Variants in ATRX observed in about 807,000 individuals in gnomAD.
The protein encoded by ATRX is chromatin remodeler ATRX.
In ATRX, 12 loss-of-function variants were observed where a neutral mutation model predicts 172.6. The ratio of observed to expected loss-of-function variants is 0.07; its 90% CI spans 0.04 to 0.11. The LOEUF (loss-of-function observed/expected upper bound fraction) is 0.11. ATRX is among the 10% of genes least tolerant of loss of function. ATRX has a pLI of 1.00. For synonymous variants in ATRX, 674 were observed against 594.7 expected (o/e 1.13, Z -1.94); for missense variants, 1,368 against 1,767.4 (o/e 0.77, Z 4.05).
chrX:77,651,296 T>C (rs1049688359), intron 15 of ATRX, among the ~76,000 whole-genome samples: 2 of 99,496 alleles, frequency 2.0e-5, no homozygotes, highest in East Asian at 3.4e-4. Context: ...ACTGAGTTAA[T>C]AGATCCAGGG....
At chrX:77,576,918 T>C (rs2065640009) in intron 27 of ATRX, among the ~76,000 whole-genome samples, 2 of 112,086 alleles carry the variant, frequency 1.8e-5, no homozygotes, top group African/African-American at 6.5e-5. Flanking sequence ...GTCTTCAAGA[T>C]TCATACATGT....
chrX:77,587,525 G>A lies in ATRX; in HGVS notation c.6217+2309C>T, dbSNP rs180919560. Among the ~76,000 whole-genome samples, 5 of 111,930 alleles carry A rather than the reference G, an allele frequency of 4.5e-5. No individual in the cohort carries two copies. The East Asian group carries it at 1.4e-3, about 31-fold the overall frequency. On this transcript the variant is annotated intron_variant, in intron 27 of 34. Transcript: ENST00000373344. ...CATCATACAAAATGTTGAAAAACTG[G>A]ATTCCTTCACACTATGATTAGAGAC... is the stretch of plus-strand genomic sequence containing the variant.
chrX:77,763,119 T>TTATA lies in ATRX; in HGVS notation c.20+22859_20+22862dup, dbSNP rs1345435196. Reference sequence around the variant, plus strand: ...CAGGTACTTAGGGGGTTTCGTTATTTTATATATATATATATAGTTGTCTTT... The same window carrying TTATA: ...CAGGTACTTAGGGGGTTTCGTTATTTTATATATATATATATATATAGTTGTCTTT... On this transcript the variant is annotated intron_variant, in intron 1 of 34. Coordinates refer to ENST00000373344, the MANE Select transcript of ATRX (RefSeq NM_000489.6). Among the ~76,000 whole-genome samples, 19 of 107,644 alleles carry TTATA rather than the reference T, an allele frequency of 1.8e-4. No homozygotes were observed. In the Admixed American group the frequency reaches 1.9e-3, roughly 11 times the overall value. The allele number at this position is 107,644 out of a possible 115,157, so 93.5% of individuals were successfully genotyped here.
chrX:77,522,732 C>T (rs2063271213), intron 31 of ATRX, among the ~76,000 whole-genome samples: 1 of 111,881 alleles, frequency 8.9e-6, no homozygotes, highest in African/African-American at 3.2e-5. Context: ...TTCCCATGCT[C>T]AGGCACATTT....
At chrX:77,674,094 CACAATTGTGTACAAATTTACAT>C (rs2070751815) in intron 10 of ATRX, 2 of 111,258 alleles carry the variant, frequency 1.8e-5, no homozygotes, top group South Asian at 7.4e-4. Flanking sequence ...ACAATTTACA[CACAATTGTGTACAAATTTACAT>C]ACAATTACAA....
At position 77,522,329 on chromosome X, in the gene ATRX, G is replaced by C. The variant is rs1430007326; in HGVS notation, c.6909C>G (p.Asn2303Lys). 1.7e-6 allele frequency: 2 copies of C among 1,208,413 alleles called. No homozygotes were observed. Among genetic ancestry groups the C allele is most frequent in the Non-Finnish European group, 2.2e-6 (2 of 893,969 alleles). ...TGAAAGGAATATAAGGAGTTTGAGAGTTGAAACTGACAGGGGGTAAATTGG... is the reference window on the plus strand; with the variant it reads ...TGAAAGGAATATAAGGAGTTTGAGACTTGAAACTGACAGGGGGTAAATTGG... ...TGTNLPPVSF[N>K]SQTPYIPFNL... is the part of the protein sequence containing the mutation. Residue 2303 changes from asparagine (N) to lysine (K), a missense_variant, in exon 32 of 35, where the codon AAC becomes AAG. This residue lies in a region of ATRX where 100 missense variants were observed against 153.9 expected (regional missense o/e 0.65). Coordinates refer to ENST00000373344, the MANE Select transcript of ATRX (RefSeq NM_000489.6).
At chrX:77,730,550 G>C (rs1486572725) in intron 1 of ATRX, among the ~76,000 whole-genome samples, 1 of 111,767 alleles carries the variant, frequency 8.9e-6, no homozygotes, top group Non-Finnish European at 1.9e-5. Flanking sequence ...CTTCTCCTCA[G>C]CCCATGGATT....
intron 25 of ATRX, among the ~76,000 whole-genome samples, chrX:77,597,997 A>G (rs781958321): frequency 8.9e-6 from 1 of 112,229 alleles, no homozygotes; most frequent in South Asian, 3.7e-4. Flanking sequence ...TATTTATTAC[A>G]GCACTATTCA....
chrX:77,756,171 C>A, intron 1 of ATRX, among the ~76,000 whole-genome samples: 1 of 111,607 alleles, frequency 9.0e-6, no homozygotes. Flanking sequence ...CTACTCAAGC[C>A]TCAGTAATGG....
At chrX:77,619,651 G>A (rs1008255873) in intron 20 of ATRX, among the ~76,000 whole-genome samples, 2 of 110,935 alleles carry the variant, frequency 1.8e-5, no homozygotes, top group Admixed American at 1.9e-4. Flanking sequence ...AGGAAAACTG[G>A]AACAGATAAA....
chrX:77,670,105 T>C (rs2070474913), intron 10 of ATRX, among the ~76,000 whole-genome samples: 1 of 112,078 alleles, frequency 8.9e-6, no homozygotes, highest in South Asian at 3.7e-4. Flanking sequence ...CCATTTTATC[T>C]TTTAAGAGGT....
intron 16 of ATRX, among the ~76,000 whole-genome samples, chrX:77,635,527 CTTACTGATTCAACT>C (rs1484775986): frequency 3.6e-5 from 4 of 111,685 alleles, no homozygotes; most frequent in Admixed American, 2.8e-4. Context: ...TCAAAACTGA[CTTACTGATTCAACT>C]CTAATAAAGA....
At chrX:77,751,083 C>T (rs1342463868) in intron 1 of ATRX, among the ~76,000 whole-genome samples, 1 of 112,004 alleles carries the variant, frequency 8.9e-6, no homozygotes, top group Non-Finnish European at 1.9e-5. Flanking sequence ...TTTCTGGTTT[C>T]TAGATCCTTG....
At chrX:77,617,859 G>A (rs1446435533) in intron 21 of ATRX, among the ~76,000 whole-genome samples, 1 of 109,861 alleles carries the variant, frequency 9.1e-6, no homozygotes, top group African/African-American at 3.3e-5. Flanking sequence ...AGAGACTATA[G>A]GTGCGCACCA....
chrX:77,693,740 G>T, intron 6 of ATRX, 84 bp downstream of exon 6: 1 of 715,531 alleles, frequency 1.4e-6, no homozygotes. Flanking sequence ...GAAAAGTGGA[G>T]GTATTTTTAG....
intron 1 of ATRX, among the ~76,000 whole-genome samples, chrX:77,720,592 C>T (rs1557168342): frequency 9.0e-6 from 1 of 111,592 alleles, no homozygotes; most frequent in Non-Finnish European, 1.9e-5. Flanking sequence ...TGGATAAATG[C>T]CTGGACACAT....
At chrX:77,633,430 T>C (rs1557106549) in intron 18 of ATRX, 46 bp from the exon 19 acceptor site, 1 of 1,165,511 alleles carries the variant, frequency 8.6e-7, no homozygotes, top group South Asian at 1.9e-5. Context: ...ACTAAAAACA[T>C]GTGAATATTA....
At chrX:77,578,699 C>A (rs909226841) in intron 27 of ATRX, among the ~76,000 whole-genome samples, 16 of 112,264 alleles carry the variant, frequency 1.4e-4, no homozygotes, top group Non-Finnish European at 2.3e-4. Context: ...TATGGTGAGA[C>A]CCAGCTTATT....
chrX:77,750,834 C>A (rs1163928415), intron 1 of ATRX, among the ~76,000 whole-genome samples: 1 of 111,364 alleles, frequency 9.0e-6, no homozygotes, highest in Non-Finnish European at 1.9e-5. Context: ...ACAGCTTCAT[C>A]CATGTACCTG....
Sources: gnomAD v4.1 joint callset for allele counts (sites outside exome capture counted in the v4.1 genomes callset) on GRCh38, gnomAD v4.1.1 for gene constraint, gnomAD v4.1.1 regional missense constraint, MANE v1.5 for transcripts, NCBI Gene and HGNC (gene_info 2026-07-23, HGNC 2026-07-21) for gene names.